Variants in CADM2 observed in about 807,000 individuals in gnomAD.
CADM2 encodes cell adhesion molecule 2.
CADM2 carries 12 observed loss-of-function variants against 49.8 expected under a neutral mutation model. The ratio of observed to expected loss-of-function variants is 0.24; its 90% CI spans 0.15 to 0.39. The LOEUF (loss-of-function observed/expected upper bound fraction) is 0.39, where lower values mean the gene tolerates loss of function less well. Ranked by LOEUF, CADM2 falls within the 10% of genes least tolerant of loss-of-function variation. CADM2 has a pLI of 1.00. For missense variants in CADM2, 378 were observed against 492.3 expected (o/e 0.77, Z 2.20); for synonymous variants, 214 against 175.4 (o/e 1.22, Z -1.74).
At chr3:85,987,746 T>G (rs892627223) in intron 8 of CADM2, among the ~76,000 whole-genome samples, 3 of 148,972 alleles carry the variant, frequency 2.0e-5, no homozygotes, top group Admixed American at 1.3e-4. Flanking sequence ...TTTCAGAAAC[T>G]ATGTTTCCTA....
intron 1 of CADM2, among the ~76,000 whole-genome samples, chr3:85,147,817 G>A (rs1005302782): frequency 1.3e-5 from 2 of 151,972 alleles, no homozygotes; most frequent in African/African-American, 4.8e-5. Flanking sequence ...TATATAACAG[G>A]AGATTTAAAA....
At chr3:85,107,665 TTCCTTCCTTCC>T in intron 1 of CADM2, among the ~76,000 whole-genome samples, 1 of 149,508 alleles carries the variant, frequency 6.7e-6, no homozygotes, top group African/African-American at 2.5e-5. Flanking sequence ...CTTTTTTTCC[TTCCTTCCTTCC>T]TTCTTTCTCT....
chr3:85,312,311 T>G (rs2044364619), intron 1 of CADM2, among the ~76,000 whole-genome samples: 1 of 152,188 alleles, frequency 6.6e-6, no homozygotes, highest in African/African-American at 2.4e-5. Flanking sequence ...TGATTTTTAG[T>G]ATTAAAATTT....
intron 8 of CADM2, among the ~76,000 whole-genome samples, chr3:85,963,007 G>T (rs778495250): frequency 1.3e-5 from 2 of 151,842 alleles, no homozygotes; most frequent in Non-Finnish European, 2.9e-5. Flanking sequence ...TTTGTAAAGA[G>T]ATTAATTTTA....
chr3:85,845,980 G>A (rs1357863105), intron 3 of CADM2, among the ~76,000 whole-genome samples: 1 of 152,028 alleles, frequency 6.6e-6, no homozygotes, highest in Non-Finnish European at 1.5e-5. Context: ...GTTCTACTGG[G>A]GTTGGTGGTG....
At chr3:86,024,853 G>A (rs531673615) in intron 8 of CADM2, among the ~76,000 whole-genome samples, 2 of 151,660 alleles carry the variant, frequency 1.3e-5, no homozygotes, top group South Asian at 2.1e-4. Context: ...TCTTACACAT[G>A]TATCTTTACA....
intron 1 of CADM2, among the ~76,000 whole-genome samples, chr3:85,683,302 T>C (rs2066092730): frequency 6.6e-6 from 1 of 152,142 alleles, no homozygotes. Context: ...CTAATGTGTT[T>C]ATTCAGAATT....
intron 1 of CADM2, among the ~76,000 whole-genome samples, chr3:85,570,973 A>T (rs1347129255): frequency 6.6e-6 from 1 of 152,196 alleles, no homozygotes; most frequent in Non-Finnish European, 1.5e-5. Flanking sequence ...TATAAGAATA[A>T]CAAAATGTTA....
chr3:85,434,849 C>T (rs944299006), intron 1 of CADM2, among the ~76,000 whole-genome samples: 3 of 152,046 alleles, frequency 2.0e-5, no homozygotes, highest in Non-Finnish European at 4.4e-5. Context: ...CTAAGTAGTA[C>T]CTCAGTGTCT....
intron 1 of CADM2, among the ~76,000 whole-genome samples, chr3:85,568,445 T>TTCTCTTTC (rs1181706633): frequency 6.0e-5 from 2 of 33,104 alleles, no homozygotes; most frequent in African/African-American, 2.1e-4. Context: ...CTTTCTTTCT[T>TTCTCTTTC]TCTTTCTTTC....
chr3:85,837,709 A>G (rs1412979318), intron 3 of CADM2, among the ~76,000 whole-genome samples: 1 of 151,756 alleles, frequency 6.6e-6, no homozygotes, highest in Non-Finnish European at 1.5e-5. Context: ...TATACTGCTT[A>G]AAAGAGCTGT....
At chr3:85,162,833 G>T (rs2040367075) in intron 1 of CADM2, among the ~76,000 whole-genome samples, 1 of 151,710 alleles carries the variant, frequency 6.6e-6, no homozygotes, top group African/African-American at 2.4e-5. Context: ...CCTATGTTTT[G>T]ACAGCATCCT....
chr3:85,651,822 CTTT>C (rs201326377), intron 1 of CADM2, among the ~76,000 whole-genome samples: 1 of 140,480 alleles, frequency 7.1e-6, no homozygotes. Flanking sequence ...TTGTTTTTTT[CTTT>C]TTTTTTTTTT....
At chr3:85,935,918 C>T (rs1389544390) in intron 7 of CADM2, 61 bp downstream of exon 7, 3 of 910,708 alleles carry the variant, frequency 3.3e-6, no homozygotes, top group Non-Finnish European at 5.2e-6. Flanking sequence ...GCTTTGATTA[C>T]AGCCTTTAAC....
chr3:85,050,918 G>T (rs1465334027), intron 1 of CADM2, among the ~76,000 whole-genome samples: 1 of 152,166 alleles, frequency 6.6e-6, no homozygotes, highest in African/African-American at 2.4e-5. Context: ...GACCAAGGTT[G>T]CAGGGATGTA....
intron 1 of CADM2, among the ~76,000 whole-genome samples, chr3:85,472,519 G>C (rs1177716412): frequency 6.6e-6 from 1 of 151,838 alleles, no homozygotes; most frequent in Non-Finnish European, 1.5e-5. Flanking sequence ...GACATTTTGG[G>C]TAATGCTAGA....
chr3:85,127,889 A>T (rs2039090421), intron 1 of CADM2, among the ~76,000 whole-genome samples: 1 of 152,134 alleles, frequency 6.6e-6, no homozygotes. Context: ...AATACAATCT[A>T]CGTTTGCCCC....
At chr3:85,937,468 T>G (rs1265895139) in intron 7 of CADM2, among the ~76,000 whole-genome samples, 1 of 151,926 alleles carries the variant, frequency 6.6e-6, no homozygotes, top group Non-Finnish European at 1.5e-5. Context: ...TTCACTAAAT[T>G]TTCCTATTTA....
intron 1 of CADM2, among the ~76,000 whole-genome samples, chr3:85,626,448 C>CA (rs893551865): frequency 5.2e-4 from 79 of 150,716 alleles, no homozygotes; most frequent in Admixed American, 2.1e-3. Context: ...TTCTTTTTCT[C>CA]AAAAAAAAGG....
Sources: gnomAD v4.1 joint callset for allele counts (sites outside exome capture counted in the v4.1 genomes callset) on GRCh38, gnomAD v4.1.1 for gene constraint, MANE v1.5 for transcripts, NCBI Gene and HGNC (gene_info 2026-07-23, HGNC 2026-07-21) for gene names.